Variants in SV2C observed in about 807,000 individuals in gnomAD.
SV2C encodes synaptic vesicle glycoprotein 2C, also known as solute carrier family 22 member B3.
A neutral mutation model predicts 79.7 loss-of-function variants in SV2C; 49 were observed. The observed-to-expected ratio is 0.61, with a 90% CI of 0.49 to 0.78. SV2C has a LOEUF of 0.78. Ranked by LOEUF, SV2C falls within the 30% of genes least tolerant of loss-of-function variation. The pLI, the probability that SV2C is intolerant of heterozygous loss-of-function variation, is 0.00. For missense variants in SV2C, 833 were observed against 912.9 expected (o/e 0.91, Z 1.13); for synonymous variants, 334 against 333.2 (o/e 1.00, Z -0.03).
chr5:76,064,071 G>A, the SV2C span, among the ~76,000 whole-genome samples: 2 of 152,124 alleles, frequency 1.3e-5, no homozygotes, highest in East Asian at 1.9e-4. Flanking sequence ...AGCATGAGGA[G>A]GGCTGCAGCC....
the SV2C span, among the ~76,000 whole-genome samples, chr5:75,861,975 T>A: frequency 6.6e-6 from 1 of 152,216 alleles, no homozygotes; most frequent in Non-Finnish European, 1.5e-5. Context: ...AAAATGAAAG[T>A]TGAAGTTAAT....
At chr5:75,960,884 C>T in the SV2C span, among the ~76,000 whole-genome samples, 1 of 151,932 alleles carries the variant, frequency 6.6e-6, no homozygotes, top group Admixed American at 6.6e-5. Flanking sequence ...GGATATAATA[C>T]TTCCTTGTGC....
the SV2C span, among the ~76,000 whole-genome samples, chr5:75,886,681 G>T: frequency 6.6e-5 from 10 of 152,038 alleles, no homozygotes; most frequent in Admixed American, 6.6e-4. Flanking sequence ...TTTTAACTCA[G>T]TAACAACTAA....
chr5:76,296,185 C>A, intron 9 of SV2C: 1 of 262,058 alleles, frequency 3.8e-6, no homozygotes, highest in Non-Finnish European at 7.1e-6. Flanking sequence ...AGGTAGTGGA[C>A]TTGACTGGTG....
rs190809457 is a variant in SV2C at position 76,257,698 on chromosome 5, G to A, written c.914-27464G>A. ...GTGGTGTGGTGTGTGGTATGTATAG[G>A]TGTGTAGGTAGGTGTATGTGTGTGT... is the stretch of plus-strand genomic sequence containing the variant. On this transcript the variant is annotated intron_variant, in intron 4 of 12. Coordinates refer to ENST00000502798, the MANE Select transcript of SV2C (RefSeq NM_014979.4). Among the ~76,000 whole-genome samples, 42 of 150,950 alleles carry A rather than the reference G, an allele frequency of 2.8e-4. No homozygotes were observed. In the East Asian group the frequency reaches 8.2e-3, roughly 29 times the overall value.
chr5:75,913,510 C>A, the SV2C span, among the ~76,000 whole-genome samples: 1 of 152,006 alleles, frequency 6.6e-6, no homozygotes, highest in African/African-American at 2.4e-5. Context: ...TTAGGTAGAC[C>A]TAGACAGTTT....
Position 76,291,929 on chromosome 5 carries a change from T to C in SV2C, c.1337+73T>C, listed in dbSNP as rs557519096. On this transcript the variant is annotated intron_variant, in intron 8 of 12. Coordinates refer to ENST00000502798, the MANE Select transcript of SV2C (RefSeq NM_014979.4). ...ATTGTAACTCCTAGCCATGCTGCTTTCTTTTCTGATACTGCTTGATGCTGT... is the reference window on the plus strand; with the variant it reads ...ATTGTAACTCCTAGCCATGCTGCTTCCTTTTCTGATACTGCTTGATGCTGT... 32 of 1,109,370 alleles carry C rather than the reference T, an allele frequency of 2.9e-5. No homozygotes were observed. The African/African-American group carries it at 4.5e-4, about 16-fold the overall frequency. 68.7% of individuals were successfully genotyped at this position (1,109,370 alleles called of 1,614,324 possible). A position where few individuals can be genotyped will look rare whatever the true frequency, so the allele number is the denominator to read the frequency against.
chr5:75,971,013 G>A, the SV2C span, among the ~76,000 whole-genome samples: 1 of 152,104 alleles, frequency 6.6e-6, no homozygotes, highest in Admixed American at 6.5e-5. Flanking sequence ...TGCAAGGCTT[G>A]TTCAACATAT....
chr5:76,246,659 C>A (rs747306665), intron 4 of SV2C, among the ~76,000 whole-genome samples: 1 of 151,884 alleles, frequency 6.6e-6, no homozygotes, highest in Non-Finnish European at 1.5e-5. Flanking sequence ...ACACACACAG[C>A]AGAAGAGAAA....
chr5:76,240,310 G>T (rs1399265560), intron 4 of SV2C, among the ~76,000 whole-genome samples: 1 of 152,152 alleles, frequency 6.6e-6, no homozygotes, highest in African/African-American at 2.4e-5. Flanking sequence ...GATGTATTTT[G>T]ACACATCACC....
the SV2C span, among the ~76,000 whole-genome samples, chr5:75,898,914 AT>A: frequency 3.2e-4 from 48 of 152,214 alleles, no homozygotes; most frequent in Non-Finnish European, 5.0e-4. Flanking sequence ...TGGTGGAGAT[AT>A]CCCCTTTGTC....
chr5:75,885,355 T>G, the SV2C span, among the ~76,000 whole-genome samples: 1 of 152,140 alleles, frequency 6.6e-6, no homozygotes, highest in Non-Finnish European at 1.5e-5. Context: ...AGTATCTGCC[T>G]CCAAGTCCAG....
the SV2C span, among the ~76,000 whole-genome samples, chr5:75,890,882 T>A: frequency 6.6e-6 from 1 of 152,072 alleles, no homozygotes; most frequent in Non-Finnish European, 1.5e-5. Flanking sequence ...AACTATCATG[T>A]TAGGGAAAGC....
At chr5:76,066,670 C>T in the SV2C span, among the ~76,000 whole-genome samples, 433 of 152,020 alleles carry the variant, frequency 2.8e-3, 5 homozygotes, top group Admixed American at 0.014. Flanking sequence ...TATGTTCCTC[C>T]CTGTTTTAAA....
chr5:75,921,298 C>T, the SV2C span: 3 of 1,469,154 alleles, frequency 2.0e-6, no homozygotes, highest in African/African-American at 4.2e-5. Context: ...TGTCAAAAGG[C>T]TCCACGAGCT....
chr5:76,137,578 T>C (rs1360622263), intron 2 of SV2C, among the ~76,000 whole-genome samples: 1 of 152,090 alleles, frequency 6.6e-6, no homozygotes, highest in Admixed American at 6.5e-5. Context: ...AGGCGGACAA[T>C]GACTAATGAA....
intron 7 of SV2C, among the ~76,000 whole-genome samples, 163 bp downstream of exon 7, chr5:76,291,494 C>A (rs1207795956): frequency 6.6e-6 from 1 of 152,182 alleles, no homozygotes; most frequent in Admixed American, 6.5e-5. Context: ...ACTCGACCAG[C>A]ATTTAGCCAA....
the SV2C span, among the ~76,000 whole-genome samples, chr5:75,890,098 G>C: frequency 6.6e-6 from 1 of 152,038 alleles, no homozygotes; most frequent in South Asian, 2.1e-4. Flanking sequence ...GGCTTCCTGT[G>C]CTATTTTCAA....
the SV2C span, among the ~76,000 whole-genome samples, chr5:76,028,225 C>A: frequency 2.0e-5 from 3 of 152,162 alleles, no homozygotes; most frequent in Non-Finnish European, 4.4e-5. Context: ...GGATCACTGT[C>A]CTTCATTCAG....
Sources: gnomAD v4.1 joint callset for allele counts (sites outside exome capture counted in the v4.1 genomes callset) on GRCh38, gnomAD v4.1.1 for gene constraint, MANE v1.5 for transcripts, NCBI Gene and HGNC (gene_info 2026-07-23, HGNC 2026-07-21) for gene names.